ZMAT4: variants seen among roughly 807,000 people sequenced by gnomAD.
ZMAT4 encodes zinc finger matrin-type protein 4.
A neutral mutation model predicts 28.7 loss-of-function variants in ZMAT4; 17 were observed. The ratio of observed to expected loss-of-function variants is 0.59; its 90% confidence interval spans 0.41 to 0.89. The LOEUF is 0.89. ZMAT4 is among the 40% of genes least tolerant of loss of function. The probability of loss-of-function intolerance (pLI) is 0.00; values close to 1 mark genes in which losing one functional copy is unlikely to be tolerated. For missense variants in ZMAT4, 240 were observed against 283.8 expected (o/e 0.85, Z 1.11); for synonymous variants, 117 against 109.2 (o/e 1.07, Z -0.44).
At chr8:40,791,596 A>T (rs1216376518) in intron 2 of ZMAT4, among the ~76,000 whole-genome samples, 2 of 152,138 alleles carry the variant, frequency 1.3e-5, no homozygotes, top group Non-Finnish European at 2.9e-5. Context: ...CCCCACACCC[A>T]CATCCAGCAT....
chr8:40,849,538 G>A (rs749203916), intron 1 of ZMAT4, among the ~76,000 whole-genome samples: 3 of 152,132 alleles, frequency 2.0e-5, no homozygotes, highest in Admixed American at 6.5e-5. Context: ...CCTGTCCCCT[G>A]AAGAACACAC....
intron 6 of ZMAT4, among the ~76,000 whole-genome samples, chr8:40,569,882 C>A (rs1230915669): frequency 6.6e-6 from 1 of 152,098 alleles, no homozygotes; most frequent in Non-Finnish European, 1.5e-5. Context: ...CAACCTTCTG[C>A]CAGCTGGAAA....
At chr8:40,841,936 G>T (rs1432435504) in intron 1 of ZMAT4, among the ~76,000 whole-genome samples, 2 of 152,180 alleles carry the variant, frequency 1.3e-5, no homozygotes, top group South Asian at 4.1e-4. Flanking sequence ...CAGTCTCCAG[G>T]AAGAGCCTGG....
intron 5 of ZMAT4, among the ~76,000 whole-genome samples, chr8:40,592,964 A>T (rs752134504): frequency 2.0e-5 from 3 of 152,238 alleles, no homozygotes; most frequent in Non-Finnish European, 4.4e-5. Context: ...ATAAATAAAT[A>T]GATCTACTCT....
At chr8:40,871,354 T>C (rs1000882449) in intron 1 of ZMAT4, among the ~76,000 whole-genome samples, 1 of 152,190 alleles carries the variant, frequency 6.6e-6, no homozygotes, top group African/African-American at 2.4e-5. Context: ...ATCTTTCTTT[T>C]CTCTTTCCTC....
intron 1 of ZMAT4, among the ~76,000 whole-genome samples, chr8:40,892,855 A>G (rs570033678): frequency 3.7e-4 from 57 of 152,190 alleles, no homozygotes; most frequent in Non-Finnish European, 6.3e-4. Flanking sequence ...AAGGGTTCTC[A>G]TCAGCAGAGG....
At chr8:40,738,469 C>T (rs892764834) in intron 3 of ZMAT4, among the ~76,000 whole-genome samples, 5 of 152,128 alleles carry the variant, frequency 3.3e-5, no homozygotes, top group African/African-American at 4.8e-5. Context: ...AAACAGCTTA[C>T]AGCAAAAGGA....
chr8:40,834,630 G>C (rs1451118871), intron 1 of ZMAT4, among the ~76,000 whole-genome samples: 2 of 152,076 alleles, frequency 1.3e-5, no homozygotes, highest in African/African-American at 4.8e-5. Context: ...TTCACATTCT[G>C]GGATCCAGCA....
intron 3 of ZMAT4, among the ~76,000 whole-genome samples, chr8:40,728,836 A>G (rs963213690): frequency 6.6e-6 from 1 of 152,088 alleles, no homozygotes; most frequent in Admixed American, 6.6e-5. Context: ...TCTAGTGCTC[A>G]TGTGTAGTCA....
chr8:40,728,652 G>T (rs1018498144), intron 3 of ZMAT4, among the ~76,000 whole-genome samples: 5 of 152,188 alleles, frequency 3.3e-5, no homozygotes, highest in African/African-American at 1.2e-4. Flanking sequence ...TGGAGGATGG[G>T]GAAAGAGAGA....
chr8:40,776,931 T>C (rs1813621287), intron 2 of ZMAT4, among the ~76,000 whole-genome samples: 1 of 152,078 alleles, frequency 6.6e-6, no homozygotes, highest in Admixed American at 6.5e-5. Flanking sequence ...CTTTCTTTTT[T>C]TTTTTTTTGT....
At chr8:40,892,271 T>C (rs957960107) in intron 1 of ZMAT4, among the ~76,000 whole-genome samples, 2 of 152,204 alleles carry the variant, frequency 1.3e-5, no homozygotes, top group African/African-American at 4.8e-5. Flanking sequence ...AAGTATCTCA[T>C]TGCTCCCATG....
chr8:40,670,399 A>T (rs1808616607), intron 5 of ZMAT4, among the ~76,000 whole-genome samples: 1 of 152,230 alleles, frequency 6.6e-6, no homozygotes, highest in South Asian at 2.1e-4. Context: ...CAGATACATC[A>T]TAATCCTACA....
At chr8:40,606,452 G>T (rs192186882) in intron 5 of ZMAT4, among the ~76,000 whole-genome samples, 134 of 152,322 alleles carry the variant, frequency 8.8e-4, no homozygotes, top group African/African-American at 2.8e-3. Flanking sequence ...AGTTTCACTG[G>T]ATATAAAATT....
intron 6 of ZMAT4, among the ~76,000 whole-genome samples, chr8:40,558,662 T>C (rs1585682471): frequency 1.3e-5 from 2 of 152,096 alleles, no homozygotes; most frequent in South Asian, 4.1e-4. Context: ...TTTATGACCA[T>C]GTGAAGTTTG....
chr8:40,848,736 T>A (rs1263342840), intron 1 of ZMAT4, among the ~76,000 whole-genome samples: 1 of 152,202 alleles, frequency 6.6e-6, no homozygotes, highest in Non-Finnish European at 1.5e-5. Flanking sequence ...ATTAAATAAA[T>A]GGTCGCTACT....
intron 5 of ZMAT4, among the ~76,000 whole-genome samples, chr8:40,607,590 A>T (rs1805642483): frequency 6.6e-6 from 1 of 151,418 alleles, no homozygotes; most frequent in African/African-American, 2.4e-5. Flanking sequence ...TTTCTTGGGG[A>T]TGTTAAAGCA....
At chr8:40,570,515 A>G (rs964150086) in intron 6 of ZMAT4, among the ~76,000 whole-genome samples, 4 of 152,096 alleles carry the variant, frequency 2.6e-5, no homozygotes, top group African/African-American at 9.7e-5. Flanking sequence ...CCCGGGCCAC[A>G]CAGCAAAACC....
intron 6 of ZMAT4, among the ~76,000 whole-genome samples, chr8:40,578,868 A>G (rs1025081407): frequency 6.6e-6 from 1 of 152,210 alleles, no homozygotes; most frequent in Non-Finnish European, 1.5e-5. Flanking sequence ...TTCAAAATGC[A>G]CATACTACTC....
Sources: gnomAD v4.1 joint callset for allele counts (sites outside exome capture counted in the v4.1 genomes callset) on GRCh38, gnomAD v4.1.1 for gene constraint, MANE v1.5 for transcripts, NCBI Gene and HGNC (gene_info 2026-07-23, HGNC 2026-07-21) for gene names.